GPHN: variants seen among roughly 807,000 people sequenced by gnomAD.
GPHN encodes the protein gephyrin.
GPHN carries 17 observed loss-of-function variants against 95.5 expected under a neutral mutation model. The observed-to-expected ratio is 0.18, with a 90% CI of 0.12 to 0.27. The LOEUF (loss-of-function observed/expected upper bound fraction) is 0.27, where lower values mean the gene tolerates loss of function less well. Among genes scored for constraint, GPHN ranks in the 10% least tolerant of loss-of-function variants. The pLI, the probability that GPHN is intolerant of heterozygous loss-of-function variation, is 1.00. For missense variants in GPHN, 660 were observed against 978.1 expected (o/e 0.67, Z 4.34); for synonymous variants, 320 against 322.5 (o/e 0.99, Z 0.08).
chr14:67,274,400 T>G, the GPHN span, among the ~76,000 whole-genome samples: 3 of 152,138 alleles, frequency 2.0e-5, no homozygotes, highest in Non-Finnish European at 4.4e-5. Flanking sequence ...CATTTTTGTT[T>G]TTGTCAGGTT....
chr14:66,992,678 T>C (rs2153605023), intron 9 of GPHN, among the ~76,000 whole-genome samples: 1 of 152,280 alleles, frequency 6.6e-6, no homozygotes, highest in South Asian at 2.1e-4. Context: ...GTTTTGTACT[T>C]TTATTTTTAT....
chr14:67,570,360 C>A, the GPHN span: 3 of 899,864 alleles, frequency 3.3e-6, no homozygotes, highest in South Asian at 1.0e-4. Flanking sequence ...CTTATATTCC[C>A]GTAACGTCAC....
chr14:67,664,946 A>G, the GPHN span, among the ~76,000 whole-genome samples: 4 of 152,156 alleles, frequency 2.6e-5, no homozygotes, highest in Non-Finnish European at 5.9e-5. Flanking sequence ...AGCTCACTGC[A>G]AACTCCAACT....
At chr14:67,540,270 C>T in the GPHN span, among the ~76,000 whole-genome samples, 28 of 152,128 alleles carry the variant, frequency 1.8e-4, no homozygotes, top group Admixed American at 1.8e-3. Flanking sequence ...TATTTTAAAA[C>T]AAATCCCAGA....
At chr14:66,623,255 A>G (rs2063380379) in intron 1 of GPHN, among the ~76,000 whole-genome samples, 4 of 152,116 alleles carry the variant, frequency 2.6e-5, no homozygotes, top group Admixed American at 2.6e-4. Context: ...TAATGAGGAC[A>G]GCACACGAAA....
At chr14:66,939,619 C>T (rs778557034) in intron 8 of GPHN, among the ~76,000 whole-genome samples, 3 of 152,108 alleles carry the variant, frequency 2.0e-5, no homozygotes, top group Admixed American at 6.5e-5. Flanking sequence ...CCAAACTTCC[C>T]GTAACTCCAC....
the GPHN span, among the ~76,000 whole-genome samples, chr14:67,623,162 C>G: frequency 6.6e-6 from 1 of 152,160 alleles, no homozygotes; most frequent in Non-Finnish European, 1.5e-5. Context: ...ATCTCATAGC[C>G]TATTAAATAA....
the GPHN span, chr14:67,302,474 C>T: frequency 2.5e-6 from 4 of 1,599,116 alleles, no homozygotes; most frequent in African/African-American, 5.4e-5. Context: ...GGGGGTGCTG[C>T]AGAGAAAAGT....
At chr14:67,105,130 A>G (rs72715370) in intron 13 of GPHN, among the ~76,000 whole-genome samples, 8,290 of 152,062 alleles carry the variant, frequency 0.055, 236 homozygotes, top group Middle Eastern at 0.068. Flanking sequence ...TAATTTCTAC[A>G]TGTTTGTACA....
the GPHN span, among the ~76,000 whole-genome samples, chr14:67,479,505 G>A: frequency 6.6e-6 from 1 of 151,336 alleles, no homozygotes; most frequent in Non-Finnish European, 1.5e-5. Context: ...ATCACCTGAG[G>A]TCAGGAGTTC....
At chr14:67,150,312 G>T (rs1424423411) in intron 18 of GPHN, among the ~76,000 whole-genome samples, 3 of 150,228 alleles carry the variant, frequency 2.0e-5, no homozygotes, top group Admixed American at 2.0e-4. Flanking sequence ...GTAGTGGCGG[G>T]CGCCTGTAGT....
chr14:67,170,589 A>G (rs72717323), intron 21 of GPHN, among the ~76,000 whole-genome samples: 7,740 of 152,286 alleles, frequency 0.051, 209 homozygotes, highest in Middle Eastern at 0.068. Context: ...CTGACAACAA[A>G]GATGAGATGG....
the GPHN span, among the ~76,000 whole-genome samples, chr14:67,394,594 C>T: frequency 2.0e-5 from 3 of 151,974 alleles, no homozygotes; most frequent in Non-Finnish European, 2.9e-5. Context: ...ATTTCAGTGC[C>T]TGGTGGGGAG....
chr14:67,674,520 G>A, the GPHN span: 2 of 1,561,188 alleles, frequency 1.3e-6, no homozygotes, highest in Admixed American at 1.9e-5. Context: ...AGCGGCCACC[G>A]AGATTCGGGG....
At chr14:67,008,010 A>G (rs190236780) in intron 9 of GPHN, among the ~76,000 whole-genome samples, 47 of 152,320 alleles carry the variant, frequency 3.1e-4, no homozygotes, top group Admixed American at 3.1e-3. Context: ...GCAGCAGTTT[A>G]TAGAACAAAG....
chr14:66,988,553 A>G (rs1185310891), intron 9 of GPHN, among the ~76,000 whole-genome samples: 3 of 152,036 alleles, frequency 2.0e-5, no homozygotes, highest in South Asian at 2.1e-4. Flanking sequence ...AATGTATGTC[A>G]TTTTGTTTAA....
At chr14:66,712,573 C>T (rs913673804) in intron 2 of GPHN, among the ~76,000 whole-genome samples, 82 of 152,124 alleles carry the variant, frequency 5.4e-4, no homozygotes, top group African/African-American at 1.9e-3. Flanking sequence ...AAAATTTTCT[C>T]CTGTTCTGTA....
At chr14:67,227,812 A>G in the GPHN span, 1 of 152,348 alleles carries the variant, frequency 6.6e-6, no homozygotes, top group East Asian at 1.9e-4. Flanking sequence ...CTTAATCTTA[A>G]CATCCTGAAT....
intron 1 of GPHN, among the ~76,000 whole-genome samples, chr14:66,665,766 T>G (rs549278806): frequency 6.6e-6 from 1 of 152,238 alleles, no homozygotes; most frequent in South Asian, 2.1e-4. Context: ...ACCCAAAGGA[T>G]TATAAATCAT....
Sources: gnomAD v4.1 joint callset for allele counts (sites outside exome capture counted in the v4.1 genomes callset) on GRCh38, gnomAD v4.1.1 for gene constraint, MANE v1.5 for transcripts, NCBI Gene and HGNC (gene_info 2026-07-23, HGNC 2026-07-21) for gene names.